The following OR51Q1 variants were observed in gnomAD, a reference collection of about 807,000 sequenced individuals.
OR51Q1 encodes olfactory receptor 51Q1.
For missense variants in OR51Q1, 501 were observed against 397.1 expected, an observed-to-expected ratio of 1.26 and a Z score of -2.22; for synonymous variants, 187 against 151.7, an observed-to-expected ratio of 1.23 and a Z score of -1.71.
Position 5,422,588 on chromosome 11 carries a change from T to C in OR51Q1, c.388T>C (p.Cys130Arg). The C allele has an allele frequency of 6.2e-7, 1 of 1,614,190 alleles. No individual in the cohort carries two copies. The highest frequency in any genetic ancestry group is 1.1e-5 in the South Asian group (1 of 91,078). Residue 130 changes from cysteine (C) to arginine (R), a missense_variant, in exon 1 of 1, where the codon TGT becomes CGT. Transcript: ENST00000300778. ...CGTTGACTGCTATGTGGCCATCTGC[T>C]GTCCCCTCCATTATGCCTCCATCCT... ...MSVDCYVAIC[C>R]PLHYASILTN... is the part of the protein sequence containing the mutation.
Position 5,423,195 on chromosome 11 carries a change from G to C in OR51Q1, c.*41G>C. The C allele has an allele frequency of 6.7e-7, 1 of 1,496,060 alleles. No homozygotes were observed. The highest frequency in any genetic ancestry group is 1.8e-4 in the Middle Eastern group (1 of 5,426). 92.7% of individuals were successfully genotyped at this position (1,496,060 alleles called of 1,614,324 possible). ...AAATTACTGACAAGTATGAGTCATA[G>C]GCTTAAGGGGGGAATATATTCAGAA... On this transcript the variant is annotated 3_prime_UTR_variant, in exon 1 of 1. Coordinates refer to ENST00000300778, the MANE Select transcript of OR51Q1 (RefSeq NM_001004757.2).
chr11:5,422,507 T>G lies in OR51Q1; in HGVS notation c.307T>G (p.Phe103Val), dbSNP rs748790247. Residue 103 changes from phenylalanine (F) to valine (V), a missense_variant, in exon 1 of 1, where the codon TTT becomes GTT. Coordinates refer to ENST00000300778, the MANE Select transcript of OR51Q1 (RefSeq NM_001004757.2). ...RISSEACFAQ[F>V]FFLHGFSFME... is the part of the protein sequence containing the mutation. ...CAGCTCTGAGGCCTGTTTTGCTCAG[T>G]TTTTCTTCCTTCATGGATTCTCCTT... is the stretch of plus-strand genomic sequence containing the variant. 5 of 1,614,136 alleles carry G rather than the reference T, an allele frequency of 3.1e-6. No homozygotes were observed. The Admixed American group carries it at 5.0e-5, about 16-fold the overall frequency.
rs1390636652 is a variant in OR51Q1, at chr11:5,422,727, TCTCTCG to T, written c.531_536del (p.Arg178_Ser179del). ...CTGCCTTTCTGCCACTCCCACCTTC[TCTCTCG>T]CTCCTATTGCCTCCACCAGGATATG... On this transcript the variant is annotated inframe_deletion, in exon 1 of 1. Transcript: ENST00000300778. 3.1e-6 allele frequency: 5 copies of T among 1,614,048 alleles called. No individual in the cohort carries two copies. The highest frequency in any genetic ancestry group is 4.2e-6 in the Non-Finnish European group (5 of 1,179,964).
Position 5,422,693 on chromosome 11 carries a change from C to G in OR51Q1, c.493C>G (p.Leu165Val). The change falls in exon 1 of 1, where the codon CTC becomes GTC. Residue 165 changes from leucine (L) to valine (V), a missense_variant. Physicochemically the swap from Leu to Val is conservative, Grantham distance 32 (BLOSUM62 1). Transcript: ENST00000300778. ...VLAVLPSLFL[L>V]KRLPFCHSHL... ...GGCGGTTCTTCCCTCCCTTTTCTTACTCAAGCGACTGCCTTTCTGCCACTC... is the reference window on the plus strand; with the variant it reads ...GGCGGTTCTTCCCTCCCTTTTCTTAGTCAAGCGACTGCCTTTCTGCCACTC... 6.2e-7 allele frequency: 1 copy of G among 1,614,060 alleles called. No individual in the cohort carries two copies. Among genetic ancestry groups the G allele is most frequent in the Non-Finnish European group, 8.5e-7 (1 of 1,179,982 alleles).
chr11:5,422,117 T>C lies in OR51Q1; in HGVS notation c.-84T>C. The C allele has an allele frequency of 9.1e-7, 1 of 1,095,396 alleles. No homozygotes were observed. The highest frequency in any genetic ancestry group is 1.3e-6 in the Non-Finnish European group (1 of 754,272). 67.9% of individuals were successfully genotyped at this position (1,095,396 alleles called of 1,614,324 possible). A position where few individuals can be genotyped will look rare whatever the true frequency, so the allele number is the denominator to read the frequency against. On this transcript the variant is annotated 5_prime_UTR_variant, in exon 1 of 1. Transcript: ENST00000300778. The stretch of plus-strand genomic sequence containing the variant: ...ACATTTATTTGTGTAGAATTTGGAT[T>C]AAATGGGGCAAAGAGATATTATTTC...
In OR51Q1 at chr11:5,422,590, TC is replaced by T. The variant is rs1850362184; in HGVS notation, c.394del (p.Leu132SerfsTer17). 1 of 1,614,022 alleles carries T rather than the reference TC, an allele frequency of 6.2e-7. No homozygotes were observed. The highest frequency in any genetic ancestry group is 1.7e-5 in the Admixed American group (1 of 60,004). On this transcript the variant is annotated frameshift_variant, in exon 1 of 1. Coordinates refer to ENST00000300778, the MANE Select transcript of OR51Q1 (RefSeq NM_001004757.2). LOFTEE classifies it low-confidence loss of function (END_TRUNC). ...SVDCYVAICC[P>X]LHYASILTNE... is the part of the protein sequence containing the mutation. ...TTGACTGCTATGTGGCCATCTGCTG[TC>T]CCCTCCATTATGCCTCCATCCTCAC... is the stretch of plus-strand genomic sequence containing the variant.
chr11:5,422,475 G>T lies in OR51Q1; in HGVS notation c.275G>T (p.Arg92Leu). 1 of 1,614,154 alleles carries T rather than the reference G, an allele frequency of 6.2e-7. No individual in the cohort carries two copies. Among genetic ancestry groups the T allele is most frequent in the Non-Finnish European group, 8.5e-7 (1 of 1,180,024 alleles). Reference protein sequence around the residue: ...TVMQLLWFNVRRISSEACFAQ... With the variant: ...TVMQLLWFNVLRISSEACFAQ... ...ATGCAGCTTCTCTGGTTCAACGTTC[G>T]TAGAATCAGCTCTGAGGCCTGTTTT... Residue 92 changes from arginine (R) to leucine (L), a missense_variant, in exon 1 of 1, where the codon CGT (arginine) becomes CTT (leucine). Physicochemically the swap from Arg to Leu is moderately radical, Grantham distance 102. Coordinates refer to ENST00000300778, the MANE Select transcript of OR51Q1 (RefSeq NM_001004757.2).
rs1313808297 is a variant in OR51Q1 at position 5,423,134 on chromosome 11, A to G, written c.934A>G (p.Lys312Glu). The change falls in exon 1 of 1, where the codon AAA becomes GAA. Residue 312 changes from lysine (K) to glutamate (E), a missense_variant. Lys to Glu is a moderately conservative substitution (Grantham distance 56). Transcript: ENST00000300778. ...QWGMLNFLSL[K>E]NMHSR ...GGGAATGTTAAATTTCCTTTCCCTC[A>G]AAAATATGCATTCAAGATGAGGGAA... The G allele has an allele frequency of 6.3e-7, 1 of 1,597,954 alleles. No individual in the cohort carries two copies. The highest frequency in any genetic ancestry group is 1.7e-5 in the Admixed American group (1 of 59,564).
Position 5,422,691 on chromosome 11 carries a change from T to C in OR51Q1, c.491T>C (p.Leu164Ser), listed in dbSNP as rs1795194062. The C allele has an allele frequency of 6.2e-7, 1 of 1,614,096 alleles. No individual in the cohort carries two copies. Among genetic ancestry groups the C allele is most frequent in the South Asian group, 1.1e-5 (1 of 91,080 alleles). ...CTGGCGGTTCTTCCCTCCCTTTTCT[T>C]ACTCAAGCGACTGCCTTTCTGCCAC... is the stretch of plus-strand genomic sequence containing the variant. ...CVLAVLPSLF[L>S]LKRLPFCHSH... Residue 164 changes from leucine to serine, a missense_variant, in exon 1 of 1, where the codon TTA becomes TCA. Transcript: ENST00000300778.
In OR51Q1 at chr11:5,422,780, A is replaced by C. The variant is rs1465153415; in HGVS notation, c.580A>C (p.Ile194Leu). The C allele has an allele frequency of 6.2e-7, 1 of 1,614,140 alleles. No homozygotes were observed. ...QDMIRLVCAD[I>L]RLNSWYGFAL... is the part of the protein sequence containing the mutation. ...TATGATCCGCCTGGTCTGTGCTGACATCAGGCTCAACAGCTGGTATGGATT... is the reference window on the plus strand; with the variant it reads ...TATGATCCGCCTGGTCTGTGCTGACCTCAGGCTCAACAGCTGGTATGGATT... Residue 194 changes from isoleucine (I) to leucine (L), a missense_variant, in exon 1 of 1, where the codon ATC (isoleucine) becomes CTC (leucine). Ile to Leu is a conservative substitution (Grantham distance 5). Transcript: ENST00000300778.
chr11:5,422,330 A>G lies in OR51Q1; in HGVS notation c.130A>G (p.Asn44Asp). 1 of 1,614,096 alleles carries G rather than the reference A, an allele frequency of 6.2e-7. No individual in the cohort carries two copies. Among genetic ancestry groups the G allele is most frequent in the Non-Finnish European group, 8.5e-7 (1 of 1,180,014 alleles). Residue 44 changes from asparagine (N) to aspartate (D), a missense_variant, in exon 1 of 1, where the codon AAT (asparagine) becomes GAT (aspartate). Asn to Asp is a conservative substitution (Grantham distance 23). Transcript: ENST00000300778. Reference protein sequence around the residue: ...CCLYTISIMGNTTILTVIRTE... With the variant: ...CCLYTISIMGDTTILTVIRTE... ...TCTCTACACCATCTCCATCATGGGC[A>G]ATACCACCATCCTCACTGTCATTCG...
At position 5,423,114 on chromosome 11, in the gene OR51Q1, T is replaced by C; in HGVS notation, c.914T>C (p.Met305Thr). ...SVKNKQIQWG[M>T]LNFLSLKNMH... is the part of the protein sequence containing the mutation. Reference sequence around the variant, plus strand: ...AAGAACAAGCAGATCCAATGGGGAATGTTAAATTTCCTTTCCCTCAAAAAT... The same window carrying C: ...AAGAACAAGCAGATCCAATGGGGAACGTTAAATTTCCTTTCCCTCAAAAAT... Residue 305 changes from methionine to threonine, a missense_variant, in exon 1 of 1, where the codon ATG becomes ACG. Met to Thr is a moderately conservative substitution (Grantham distance 81). Coordinates refer to ENST00000300778, the MANE Select transcript of OR51Q1 (RefSeq NM_001004757.2). The C allele has an allele frequency of 6.2e-7, 1 of 1,605,218 alleles. No homozygotes were observed. Among genetic ancestry groups the C allele is most frequent in the Non-Finnish European group, 8.5e-7 (1 of 1,174,358 alleles).
In OR51Q1 at chr11:5,423,154, A is replaced by G; in HGVS notation, c.954A>G (p.Ter318TrpextTer?). The G allele has an allele frequency of 6.3e-7, 1 of 1,581,332 alleles. No individual in the cohort carries two copies. Among genetic ancestry groups the G allele is most frequent in the Non-Finnish European group, 8.6e-7 (1 of 1,157,904 alleles). ...FLSLKNMHSR[*>W] ...CCCTCAAAAATATGCATTCAAGATGAGGGAATGCATTTCTTAAATTACTGA... is the reference window on the plus strand; with the variant it reads ...CCCTCAAAAATATGCATTCAAGATGGGGGAATGCATTTCTTAAATTACTGA... The change falls in exon 1 of 1, where the codon TGA becomes TGG. Residue 318 changes from the stop codon to tryptophan (W), a stop_lost. Coordinates refer to ENST00000300778, the MANE Select transcript of OR51Q1 (RefSeq NM_001004757.2).
Sources: gnomAD v4.1 joint callset for allele counts on GRCh38, gnomAD v4.1.1 for gene constraint, MANE v1.5 for transcripts, NCBI Gene and HGNC (gene_info 2026-07-23, HGNC 2026-07-21) for gene names.